The following KIAA0513 variants were observed in gnomAD, a reference collection of about 807,000 sequenced individuals.
KIAA0513 encodes the protein KIAA0513.
KIAA0513 carries 39 observed loss-of-function variants against 56.5 expected under a neutral mutation model. That is an observed-to-expected ratio of 0.69 (90% CI 0.53 to 0.90). The LOEUF (loss-of-function observed/expected upper bound fraction) is 0.90, where lower values mean the gene tolerates loss of function less well. KIAA0513 is among the 40% of genes least tolerant of loss of function. The probability of loss-of-function intolerance (pLI) is 0.00; values close to 1 mark genes in which losing one functional copy is unlikely to be tolerated. For synonymous variants in KIAA0513, 268 were observed against 215.6 expected (o/e 1.24, Z -2.13); for missense variants, 591 against 535.2 (o/e 1.10, Z -1.03).
intron 10 of KIAA0513, among the ~76,000 whole-genome samples, chr16:85,084,348 C>A (rs1434917968): frequency 6.6e-6 from 1 of 151,048 alleles, no homozygotes; most frequent in Non-Finnish European, 1.5e-5. Flanking sequence ...CAGGTTCAAG[C>A]GGTTCTCCTG....
Position 85,027,798 on chromosome 16 carries a change from G to C in KIAA0513, c.-233G>C, listed in dbSNP as rs1163941090. The C allele has an allele frequency of 6.6e-6, 1 of 152,132 alleles. No homozygotes were observed. The highest frequency in any genetic ancestry group is 6.5e-5 in the Admixed American group (1 of 15,280). The allele number at this position is 152,132 out of a possible 1,614,324, so 9.4% of individuals were successfully genotyped here. On this transcript the variant is annotated 5_prime_UTR_variant, in exon 1 of 13. Transcript: ENST00000683363. Reference sequence around the variant, plus strand: ...GACCCGGCTGCTCGCGGGCGGCGCAGTCGCCGCAGCAGCCGAGTCTGACGG... The same window carrying C: ...GACCCGGCTGCTCGCGGGCGGCGCACTCGCCGCAGCAGCCGAGTCTGACGG...
rs1327856750 is a variant in KIAA0513, at chr16:85,081,254, C to A, written c.903-61C>A. On this transcript the variant is annotated intron_variant, in intron 8 of 12. Transcript: ENST00000683363. The surrounding 1 kb of genome is among the most constrained non-coding windows in gnomAD (Gnocchi z 4.4). ...GCCCTTGTTTATCCCTCAAGGGGCCCACAACCCGTGTCCTCCCCGCCTCCC... is the reference window on the plus strand; with the variant it reads ...GCCCTTGTTTATCCCTCAAGGGGCCAACAACCCGTGTCCTCCCCGCCTCCC... The A allele has an allele frequency of 6.6e-7, 1 of 1,505,846 alleles. No individual in the cohort carries two copies. Among genetic ancestry groups the A allele is most frequent in the African/African-American group, 1.4e-5 (1 of 72,782 alleles). The allele number at this position is 1,505,846 out of a possible 1,614,324, so 93.3% of individuals were successfully genotyped here.
chr16:85,052,242 C>T (rs1221131710), intron 1 of KIAA0513, among the ~76,000 whole-genome samples: 1 of 152,108 alleles, frequency 6.6e-6, no homozygotes, highest in East Asian at 2.0e-4. Context: ...ATCGCTTGAA[C>T]CCTGGAGGTG....
chr16:85,052,772 G>A (rs955702582), intron 1 of KIAA0513, among the ~76,000 whole-genome samples: 1 of 152,168 alleles, frequency 6.6e-6, no homozygotes, highest in Non-Finnish European at 1.5e-5. Flanking sequence ...TCTGAAGGTC[G>A]GTTCAGAGTT....
chr16:85,032,647 T>C (rs921797532), intron 1 of KIAA0513, among the ~76,000 whole-genome samples: 4 of 152,098 alleles, frequency 2.6e-5, no homozygotes, highest in Admixed American at 6.5e-5. Context: ...CCCTTTTTTT[T>C]TGAGACAGAG....
At position 85,067,290 on chromosome 16, in the gene KIAA0513, C is replaced by T. The variant is rs749618108; in HGVS notation, c.219C>T (p.Ser73=). 4.3e-6 allele frequency: 7 copies of T among 1,613,792 alleles called. No homozygotes were observed. The highest frequency in any genetic ancestry group is 1.6e-4 in the Middle Eastern group (1 of 6,062). Residue 73 remains serine (S), a synonymous_variant, in exon 2 of 13, where the codon TCC becomes TCT. Coordinates refer to ENST00000683363, the MANE Select transcript of KIAA0513 (RefSeq NM_001388359.1). ...CCTGGGACCAAGACCGCCGTTCCTC[C>T]TCCAACGAGTCCTTCTCCTCCAACC... ...HPSWDQDRRS[S]SNESFSSNQS...
chr16:85,040,223 TG>T (rs903393602), intron 1 of KIAA0513, among the ~76,000 whole-genome samples: 10 of 152,360 alleles, frequency 6.6e-5, no homozygotes, highest in African/African-American at 2.4e-4. Flanking sequence ...AATTTTCAAC[TG>T]GAGACATTTT....
chr16:85,058,828 C>G (rs1478568615), intron 1 of KIAA0513, among the ~76,000 whole-genome samples: 2 of 152,202 alleles, frequency 1.3e-5, no homozygotes, highest in Non-Finnish European at 2.9e-5. Flanking sequence ...AATTCAGTAT[C>G]TGCAGAAAGC....
At chr16:85,061,842 C>A (rs1246709407) in intron 1 of KIAA0513, among the ~76,000 whole-genome samples, 4 of 152,150 alleles carry the variant, frequency 2.6e-5, no homozygotes, top group African/African-American at 9.7e-5. Context: ...GGGGTTGCAG[C>A]AGGAGGTTAG....
At position 85,090,987 on chromosome 16, in the gene KIAA0513, T is replaced by A. The variant is rs2073861866; in HGVS notation, c.*2662T>A. 1 of 152,232 alleles carries A rather than the reference T, an allele frequency of 6.6e-6. No individual in the cohort carries two copies. The highest frequency in any genetic ancestry group is 2.4e-5 in the African/African-American group (1 of 41,432). The allele number at this position is 152,232 out of a possible 1,614,324, so 9.4% of individuals were successfully genotyped here. On this transcript the variant is annotated 3_prime_UTR_variant, in exon 13 of 13. Coordinates refer to ENST00000683363, the MANE Select transcript of KIAA0513 (RefSeq NM_001388359.1). ...TCAAAGGTCCCTGCGTGGGGAGGTG[T>A]CACACCAGGGGCACACCCAGGGCCA...
Position 85,093,103 on chromosome 16 carries a change from C to T in KIAA0513, c.*4778C>T, listed in dbSNP as rs1333564151. 1 of 152,420 alleles carries T rather than the reference C, an allele frequency of 6.6e-6. No individual in the cohort carries two copies. The highest frequency in any genetic ancestry group is 2.1e-4 in the South Asian group (1 of 4,832). 9.4% of individuals were successfully genotyped at this position (152,420 alleles called of 1,614,324 possible). ...ATGGGTGCCGCCGTGGGAGCCCTGC[C>T]TCTGGTGCTGGCAAGGGATTGGGTT... On this transcript the variant is annotated 3_prime_UTR_variant, in exon 13 of 13. Transcript: ENST00000683363.
intron 1 of KIAA0513, among the ~76,000 whole-genome samples, chr16:85,058,508 CG>C: frequency 6.6e-6 from 1 of 151,944 alleles, no homozygotes; most frequent in Admixed American, 6.6e-5. Flanking sequence ...CAAAATTAGC[CG>C]GGTGGGGTGG....
chr16:85,035,451 ATC>A (rs2143842018), intron 1 of KIAA0513, among the ~76,000 whole-genome samples: 1 of 152,126 alleles, frequency 6.6e-6, no homozygotes, highest in South Asian at 2.1e-4. Context: ...TAGCGTCAGA[ATC>A]TCTCTCACTT....
chr16:85,088,443 C>T lies in KIAA0513; in HGVS notation c.*118C>T. 1 of 793,990 alleles carries T rather than the reference C, an allele frequency of 1.3e-6. No homozygotes were observed. The highest frequency in any genetic ancestry group is 1.7e-5 in the African/African-American group (1 of 59,076). 49.2% of individuals were successfully genotyped at this position (793,990 alleles called of 1,614,324 possible). A position where few individuals can be genotyped will look rare whatever the true frequency, so the allele number is the denominator to read the frequency against. Reference sequence around the variant, plus strand: ...GAAGCCAGCAGCACCCAGAGCCACTCCTGCTGCCCTAGAACTAGCGGTTAG... The same window carrying T: ...GAAGCCAGCAGCACCCAGAGCCACTTCTGCTGCCCTAGAACTAGCGGTTAG... On this transcript the variant is annotated 3_prime_UTR_variant, in exon 13 of 13. Coordinates refer to ENST00000683363, the MANE Select transcript of KIAA0513 (RefSeq NM_001388359.1).
chr16:85,067,115 G>A lies in KIAA0513; in HGVS notation c.44G>A (p.Gly15Glu). ...CCCGTGGGCTCGCTAATCGACTTTG[G>A]GCCTGAGGCACCCACCTCTTCTCCC... ...EVPVGSLIDF[G>E]PEAPTSSPLE... Residue 15 changes from glycine (G) to glutamate (E), a missense_variant, in exon 2 of 13, where the codon GGG becomes GAG. Physicochemically the swap from Gly to Glu is moderately conservative, Grantham distance 98. Coordinates refer to ENST00000683363, the MANE Select transcript of KIAA0513 (RefSeq NM_001388359.1). 2 of 1,610,582 alleles carry A rather than the reference G, an allele frequency of 1.2e-6. No individual in the cohort carries two copies. Among genetic ancestry groups the A allele is most frequent in the Non-Finnish European group, 1.7e-6 (2 of 1,177,878 alleles).
chr16:85,066,320 G>A (rs1050629054), intron 1 of KIAA0513, among the ~76,000 whole-genome samples: 2 of 152,304 alleles, frequency 1.3e-5, no homozygotes, highest in African/African-American at 2.4e-5. Flanking sequence ...GTTGTCCAGC[G>A]GGGCTGCAGT....
chr16:85,045,860 GC>G (rs1241190956), intron 1 of KIAA0513, among the ~76,000 whole-genome samples: 1 of 152,186 alleles, frequency 6.6e-6, no homozygotes, highest in Non-Finnish European at 1.5e-5. Flanking sequence ...CCAGTGAGTA[GC>G]CCACTTCCAT....
chr16:85,074,566 G>T (rs755917826), intron 4 of KIAA0513, among the ~76,000 whole-genome samples: 1 of 152,154 alleles, frequency 6.6e-6, no homozygotes, highest in Non-Finnish European at 1.5e-5. Flanking sequence ...ACTGGAAGAA[G>T]ACCAACAAAA....
At chr16:85,070,868 T>C (rs778972379) in intron 2 of KIAA0513, among the ~76,000 whole-genome samples, 60 of 152,218 alleles carry the variant, frequency 3.9e-4, no homozygotes, top group Non-Finnish European at 5.0e-4. Context: ...CAGCCTCTAT[T>C]TGCAGTAGCC....
Sources: gnomAD v4.1 joint callset for allele counts (sites outside exome capture counted in the v4.1 genomes callset) on GRCh38, gnomAD v4.1.1 for gene constraint, Gnocchi (gnomAD v3.1) non-coding constraint, MANE v1.5 for transcripts, NCBI Gene and HGNC (gene_info 2026-07-23, HGNC 2026-07-21) for gene names.